MLLT3: variants seen among roughly 807,000 people sequenced by gnomAD.
The protein encoded by MLLT3 is protein AF-9.
Under a neutral mutation model 53.2 loss-of-function variants are expected in MLLT3, and 4 were observed. The ratio of observed to expected loss-of-function variants is 0.08; its 90% CI spans 0.04 to 0.17. The LOEUF is 0.17. Ranked by LOEUF, MLLT3 falls within the 10% of genes least tolerant of loss-of-function variation. The pLI is 1.00. For synonymous variants in MLLT3, 283 were observed against 230.6 expected (o/e 1.23, Z -2.06); for missense variants, 569 against 684.0 (o/e 0.83, Z 1.87).
intron 2 of MLLT3, among the ~76,000 whole-genome samples, chr9:20,457,835 T>C (rs543094499): frequency 6.6e-6 from 1 of 152,262 alleles, no homozygotes; most frequent in Non-Finnish European, 1.5e-5. Flanking sequence ...AAAATTTCAA[T>C]TAAACGAAAA....
chr9:20,387,394 C>G (rs1321571321), intron 5 of MLLT3, among the ~76,000 whole-genome samples: 1 of 152,202 alleles, frequency 6.6e-6, no homozygotes, highest in African/African-American at 2.4e-5. Context: ...TTTGTTACAT[C>G]AGATTTCTCT....
chr9:20,530,497 C>T (rs1032527057), intron 2 of MLLT3, among the ~76,000 whole-genome samples: 1 of 152,200 alleles, frequency 6.6e-6, no homozygotes, highest in African/African-American at 2.4e-5. Flanking sequence ...AAGCTGTCAG[C>T]TTCTAGATGA....
At chr9:20,513,416 A>C (rs1467790604) in intron 2 of MLLT3, among the ~76,000 whole-genome samples, 1 of 152,192 alleles carries the variant, frequency 6.6e-6, no homozygotes, top group East Asian at 1.9e-4. Context: ...TGGTGAGAGG[A>C]GGAGTACCAA....
chr9:20,612,559 A>C (rs1820727998), intron 2 of MLLT3, among the ~76,000 whole-genome samples: 1 of 152,190 alleles, frequency 6.6e-6, no homozygotes, highest in African/African-American at 2.4e-5. Flanking sequence ...AAAATGAGGC[A>C]AGATATTTTC....
At chr9:20,395,876 T>G (rs143235667) in intron 5 of MLLT3, among the ~76,000 whole-genome samples, 1 of 152,148 alleles carries the variant, frequency 6.6e-6, no homozygotes, top group Non-Finnish European at 1.5e-5. Flanking sequence ...AAAGTACTGA[T>G]GGCAGAGCAT....
chr9:20,408,595 C>A (rs144703317), intron 5 of MLLT3, among the ~76,000 whole-genome samples: 9 of 152,294 alleles, frequency 5.9e-5, no homozygotes, highest in African/African-American at 1.9e-4. Context: ...CCCTGGAGAG[C>A]CAGGGCAGCC....
intron 5 of MLLT3, among the ~76,000 whole-genome samples, chr9:20,394,900 C>T (rs1169184311): frequency 2.6e-5 from 4 of 152,100 alleles, no homozygotes; most frequent in Non-Finnish European, 5.9e-5. Context: ...CACCCTCCCC[C>T]ACCAACTTCT....
At position 20,620,512 on chromosome 9, in the gene MLLT3, G is replaced by T; in HGVS notation, c.193+142C>A. ...GCAGGCGGGAGCCGGGACCTGGCCC[G>T]CGCGGCGCCGCGCACCCGGATCCCG... On this transcript the variant is annotated intron_variant, in intron 2 of 10. Coordinates refer to ENST00000380338, the MANE Select transcript of MLLT3 (RefSeq NM_004529.4). The surrounding 1 kb of genome is among the most constrained non-coding windows in gnomAD (Gnocchi z 6.1). The T allele has an allele frequency of 2.1e-6, 1 of 473,384 alleles. No homozygotes were observed. The highest frequency in any genetic ancestry group is 2.1e-5 in the African/African-American group (1 of 47,776). The allele number at this position is 473,384 out of a possible 1,614,324, so 29.3% of individuals were successfully genotyped here. A position where few individuals can be genotyped will look rare whatever the true frequency, so the allele number is the denominator to read the frequency against.
intron 4 of MLLT3, among the ~76,000 whole-genome samples, chr9:20,436,716 C>A (rs1033563343): frequency 1.3e-5 from 2 of 152,052 alleles, no homozygotes; most frequent in South Asian, 4.2e-4. Context: ...GTATTTGATG[C>A]CTTAGTTTAC....
chr9:20,468,057 G>C (rs1824279150), intron 2 of MLLT3, among the ~76,000 whole-genome samples: 1 of 152,168 alleles, frequency 6.6e-6, no homozygotes. Context: ...ATTATGTTCA[G>C]TTCCCTCATT....
intron 5 of MLLT3, among the ~76,000 whole-genome samples, chr9:20,395,135 GGCACAAA>G (rs1259997904): frequency 6.6e-6 from 1 of 152,122 alleles, no homozygotes; most frequent in Non-Finnish European, 1.5e-5. Context: ...CAGGATGCTA[GGCACAAA>G]GCACTTTGGA....
At chr9:20,415,345 T>A in intron 4 of MLLT3, 1 of 399,746 alleles carries the variant, frequency 2.5e-6, no homozygotes, top group Non-Finnish European at 3.4e-6. Context: ...ATTTTAAATA[T>A]GATCAATTTT....
At chr9:20,366,168 T>A (rs2118652854) in intron 5 of MLLT3, among the ~76,000 whole-genome samples, 1 of 152,316 alleles carries the variant, frequency 6.6e-6, no homozygotes, top group African/African-American at 2.4e-5. Context: ...TCATCTACGT[T>A]AGGTATTTCT....
At position 20,413,768 on chromosome 9, in the gene MLLT3, C is replaced by G. The variant is rs1204970009; in HGVS notation, c.1078G>C (p.Asp360His). 1 of 1,612,998 alleles carries G rather than the reference C, an allele frequency of 6.2e-7. No individual in the cohort carries two copies. Among genetic ancestry groups the G allele is most frequent in the Non-Finnish European group, 8.5e-7 (1 of 1,179,560 alleles). Residue 360 changes from aspartate to histidine, a missense_variant, in exon 5 of 11, where the codon GAT becomes CAT. Asp to His is a moderately conservative substitution (Grantham distance 81). This residue lies in a region of MLLT3 where 437 missense variants were observed against 376.5 expected (regional missense o/e 1.16). Coordinates refer to ENST00000380338, the MANE Select transcript of MLLT3 (RefSeq NM_004529.4). ...STLPPFDDIV[D>H]PNDSDVEENI... is the part of the protein sequence containing the mutation. ...TCCTCCACATCTGAATCATTGGGAT[C>G]CACAATATCATCAAATGGCGGTAAC...
intron 2 of MLLT3, among the ~76,000 whole-genome samples, chr9:20,547,542 G>A (rs1818818945): frequency 2.0e-5 from 3 of 151,638 alleles, no homozygotes; most frequent in Admixed American, 2.0e-4. Context: ...TACTCGGGAG[G>A]CTGAGGCAAG....
chr9:20,622,310 G>GC lies in MLLT3; in HGVS notation c.-55dup, dbSNP rs911971713. On this transcript the variant is annotated 5_prime_UTR_variant, in exon 1 of 11. Transcript: ENST00000380338. ...GTTGTGTGGTACCCCCCCCTCCTCC[G>GC]CCCCCCCTCAGCTGTAATTCATGAA... The GC allele has an allele frequency of 1.2e-4, 177 of 1,472,400 alleles. No individual in the cohort carries two copies. In the Admixed American group the frequency reaches 1.5e-3, roughly 12 times the overall value. 91.2% of individuals were successfully genotyped at this position (1,472,400 alleles called of 1,614,324 possible). A position where few individuals can be genotyped will look rare whatever the true frequency, so the allele number is the denominator to read the frequency against.
intron 5 of MLLT3, among the ~76,000 whole-genome samples, chr9:20,369,819 C>T (rs1210131786): frequency 6.6e-6 from 1 of 152,048 alleles, no homozygotes; most frequent in Non-Finnish European, 1.5e-5. Flanking sequence ...CTTTACAGGC[C>T]CTAAGGATTG....
intron 2 of MLLT3, among the ~76,000 whole-genome samples, chr9:20,601,121 A>C (rs1023499865): frequency 5.7e-5 from 8 of 139,234 alleles, no homozygotes; most frequent in African/African-American, 2.2e-4. Context: ...TGACAACGTC[A>C]AAACGTCAGA....
chr9:20,406,530 C>T (rs1306740001), intron 5 of MLLT3, among the ~76,000 whole-genome samples: 2 of 152,094 alleles, frequency 1.3e-5, no homozygotes, highest in Non-Finnish European at 2.9e-5. Flanking sequence ...ATAGGAGTGT[C>T]ACATAATAAA....
Sources: allele counts gnomAD v4.1 joint callset (sites outside exome capture counted in the v4.1 genomes callset), GRCh38; gene constraint gnomAD v4.1.1; regional missense constraint gnomAD v4.1.1; non-coding constraint Gnocchi (gnomAD v3.1); transcripts MANE v1.5; gene names NCBI Gene and HGNC (gene_info 2026-07-23, HGNC 2026-07-21).